The following WFDC13 variants were observed in gnomAD, a reference collection of about 807,000 sequenced individuals.
The protein encoded by WFDC13 is WAP four-disulfide core domain protein 13.
WFDC13 carries 6 observed loss-of-function variants against 10.9 expected under a neutral mutation model. The ratio of observed to expected loss-of-function variants is 0.55; its 90% CI spans 0.30 to 1.09. WFDC13 has a LOEUF of 1.09. Among genes scored for constraint, WFDC13 ranks in the 50% least tolerant of loss-of-function variants. WFDC13 has a pLI of 0.06. For synonymous variants in WFDC13, 38 were observed against 39.5 expected (o/e 0.96, Z 0.14); for missense variants, 104 against 109.6 (o/e 0.95, Z 0.23).
chr20:45,706,629 G>T lies in WFDC13; in HGVS notation c.*22+702G>T, dbSNP rs1234151168. On this transcript the variant is annotated intron_variant, in intron 3 of 3. Coordinates refer to ENST00000305479, the MANE Select transcript of WFDC13 (RefSeq NM_172005.2). ...TCTACTAAAAATACAAAAATTAGTT[G>T]GGTGTGATGGTGCACACCTGGAATC... 2.0e-5 allele frequency among the ~76,000 whole-genome samples: 3 copies of T among 152,080 alleles called. 1 individual carries two copies. The highest frequency in any genetic ancestry group is 3.9e-4 in the East Asian group (2 of 5,170).
At chr20:45,702,283 C>A in intron 1 of WFDC13, 72 bp downstream of exon 1, 2 of 1,425,908 alleles carry the variant, frequency 1.4e-6, no homozygotes, top group Non-Finnish European at 1.9e-6. Flanking sequence ...GGCTGACAGT[C>A]TGTCACACCT....
chr20:45,704,389 G>T, intron 1 of WFDC13, 55 bp from the exon 2 acceptor site: 1 of 1,568,738 alleles, frequency 6.4e-7, no homozygotes. Flanking sequence ...TCTGAGTTCT[G>T]AACATTACTC....
At chr20:45,704,842 G>C in intron 2 of WFDC13, 1 of 1,498,568 alleles carries the variant, frequency 6.7e-7, no homozygotes, top group Admixed American at 1.7e-5. Flanking sequence ...CTGCCTCTCT[G>C]AACACACCCA....
intron 1 of WFDC13, among the ~76,000 whole-genome samples, chr20:45,702,899 C>T (rs1984224849): frequency 6.6e-6 from 1 of 152,168 alleles, no homozygotes; most frequent in African/African-American, 2.4e-5. Context: ...AAAACATCTT[C>T]AGAATACTGG....
At position 45,702,225 on chromosome 20, in the gene WFDC13, C is replaced by G. The variant is rs1307557935; in HGVS notation, c.88+14C>G. 4.4e-6 allele frequency: 7 copies of G among 1,607,966 alleles called. No homozygotes were observed. The highest frequency in any genetic ancestry group is 5.9e-6 in the Non-Finnish European group (7 of 1,177,220). ...AGCGTGTTCTGAGTAGGTGCTGGAT[C>G]TGGGCCCAAGGAGGGAAGTAACATG... is the stretch of plus-strand genomic sequence containing the variant. On this transcript the variant is annotated intron_variant, in intron 1 of 3. Coordinates refer to ENST00000305479, the MANE Select transcript of WFDC13 (RefSeq NM_172005.2).
At chr20:45,704,698 T>C in intron 2 of WFDC13, 104 bp downstream of exon 2, 4 of 1,502,598 alleles carry the variant, frequency 2.7e-6, no homozygotes, top group African/African-American at 1.4e-5. Flanking sequence ...TTTTTTTTTT[T>C]TTTCCTTGGT....
intron 1 of WFDC13, 36 bp downstream of exon 1, chr20:45,702,247 C>T (rs1984194520): frequency 6.3e-7 from 1 of 1,586,906 alleles, no homozygotes; most frequent in Non-Finnish European, 8.6e-7. Context: ...AGGGAAGTAA[C>T]ATGTGTGGAT....
chr20:45,704,128 C>A (rs1423698263), intron 1 of WFDC13, among the ~76,000 whole-genome samples: 1 of 152,238 alleles, frequency 6.6e-6, no homozygotes, highest in Non-Finnish European at 1.5e-5. Context: ...TCACCACATA[C>A]ACCATTGATA....
chr20:45,705,389 CA>C (rs1385308433), intron 2 of WFDC13, among the ~76,000 whole-genome samples: 5 of 152,164 alleles, frequency 3.3e-5, no homozygotes, highest in Non-Finnish European at 5.9e-5. Flanking sequence ...AGATAATGTG[CA>C]GAGTGATTAA....
At chr20:45,706,382 G>A (rs1984391057) in intron 3 of WFDC13, among the ~76,000 whole-genome samples, 1 of 152,152 alleles carries the variant, frequency 6.6e-6, no homozygotes, top group African/African-American at 2.4e-5. Context: ...GACAACACAA[G>A]GCCATGTAGA....
At chr20:45,703,610 G>A (rs1485965095) in intron 1 of WFDC13, among the ~76,000 whole-genome samples, 1 of 152,100 alleles carries the variant, frequency 6.6e-6, no homozygotes, top group African/African-American at 2.4e-5. Flanking sequence ...GGATTAATGG[G>A]GCCCATCTTT....
chr20:45,704,782 C>T (rs752354811), intron 2 of WFDC13, 188 bp downstream of exon 2: 6 of 1,290,812 alleles, frequency 4.6e-6, no homozygotes, highest in Non-Finnish European at 5.5e-6. Flanking sequence ...AAAAGCCCTC[C>T]TCCCCTCCCA....
At chr20:45,705,089 G>A (rs1984338990) in intron 2 of WFDC13, 2 of 1,203,510 alleles carry the variant, frequency 1.7e-6, no homozygotes, top group Non-Finnish European at 2.5e-6. Flanking sequence ...CCTGCTAAAT[G>A]GAGTGTGCTC....
intron 2 of WFDC13, 92 bp downstream of exon 2, chr20:45,704,686 CCTTT>C (rs1380031466): frequency 2.1e-5 from 31 of 1,463,052 alleles, no homozygotes; most frequent in Middle Eastern, 1.9e-4. Flanking sequence ...CTGGATCTCT[CCTTT>C]TTTTTTTTTT....
At chr20:45,702,749 T>C (rs1345189486) in intron 1 of WFDC13, among the ~76,000 whole-genome samples, 1 of 152,200 alleles carries the variant, frequency 6.6e-6, no homozygotes, top group Non-Finnish European at 1.5e-5. Context: ...TTAGCATCAA[T>C]GGGACAGTGT....
chr20:45,707,676 T>C (rs1003340686), intron 3 of WFDC13, among the ~76,000 whole-genome samples, 182 bp from the exon 4 acceptor site: 3 of 152,218 alleles, frequency 2.0e-5, no homozygotes, highest in Non-Finnish European at 2.9e-5. Flanking sequence ...ACACCCTCTA[T>C]GACAGCCTCA....
chr20:45,705,992 T>TG, intron 3 of WFDC13, 65 bp downstream of exon 3: 1 of 1,420,570 alleles, frequency 7.0e-7, no homozygotes, highest in Non-Finnish European at 9.9e-7. Flanking sequence ...ACTTTCTTCC[T>TG]GTAGCCTCAC....
intron 1 of WFDC13, among the ~76,000 whole-genome samples, chr20:45,702,432 G>A (rs1241241531): frequency 6.6e-6 from 1 of 152,194 alleles, no homozygotes. Flanking sequence ...ATGAATACAG[G>A]AGGAGAACAG....
At chr20:45,704,309 C>G in intron 1 of WFDC13, 135 bp from the exon 2 acceptor site, 1 of 1,223,486 alleles carries the variant, frequency 8.2e-7, no homozygotes, top group Non-Finnish European at 1.1e-6. Context: ...AGGACAAAAC[C>G]TGATGCCACC....
Sources: gnomAD v4.1 joint callset for allele counts (sites outside exome capture counted in the v4.1 genomes callset) on GRCh38, gnomAD v4.1.1 for gene constraint, MANE v1.5 for transcripts, NCBI Gene and HGNC (gene_info 2026-07-23, HGNC 2026-07-21) for gene names.